Variants in TECPR1 observed in about 807,000 individuals in gnomAD.
The protein encoded by TECPR1 is tectonin beta-propeller repeat containing 1.
Under a neutral mutation model 162.4 loss-of-function variants are expected in TECPR1, and 122 were observed. That is an observed-to-expected ratio of 0.75 (90% CI 0.65 to 0.87). The LOEUF (loss-of-function observed/expected upper bound fraction) is 0.87. TECPR1 is among the 40% of genes least tolerant of loss of function. The pLI, the probability that TECPR1 is intolerant of heterozygous loss-of-function variation, is 0.00. For missense variants in TECPR1, 1,432 were observed against 1,618.2 expected (o/e 0.88, Z 1.97); for synonymous variants, 642 against 670.6 (o/e 0.96, Z 0.66).
Position 98,231,238 on chromosome 7 carries a change from C to T in TECPR1, c.2110G>A (p.Asp704Asn). 1 of 1,612,842 alleles carries T rather than the reference C, an allele frequency of 6.2e-7. No homozygotes were observed. Among genetic ancestry groups the T allele is most frequent in the South Asian group, 1.1e-5 (1 of 91,072 alleles). Residue 704 changes from aspartate (D) to asparagine (N), a missense_variant, in exon 14 of 26, where the codon GAC becomes AAC. Asp to Asn is a conservative substitution (Grantham distance 23). Transcript: ENST00000447648. The part of the protein sequence containing the change: ...PVRLAAATEQ[D>N]MNDWLALLSL... The stretch of plus-strand genomic sequence containing the variant: ...CGACCACTCACCCAGTCATTCATGT[C>T]CTGCTCGGTGGCAGCAGCCAGACGC...
At chr7:98,221,903 AC>A in intron 22 of TECPR1, 150 bp from the exon 23 acceptor site, 1 of 645,058 alleles carries the variant, frequency 1.6e-6, no homozygotes. Context: ...CCTGCCGTCC[AC>A]CCAGCACTGT....
chr7:98,226,512 G>A (rs902047803), intron 17 of TECPR1: 43 of 1,035,450 alleles, frequency 4.2e-5, no homozygotes, highest in Non-Finnish European at 4.9e-5. Flanking sequence ...CGGACACACA[G>A]TATGGCTGGA....
At chr7:98,243,922 G>A (rs1044049535) in intron 5 of TECPR1, among the ~76,000 whole-genome samples, 2 of 152,188 alleles carry the variant, frequency 1.3e-5, no homozygotes, top group African/African-American at 4.8e-5. Context: ...AGTTAACCGG[G>A]CATGGTGGTG....
chr7:98,223,757 G>A lies in TECPR1; in HGVS notation c.2691-39C>T. 3 of 1,607,774 alleles carry A rather than the reference G, an allele frequency of 1.9e-6. No homozygotes were observed. In the East Asian group the frequency reaches 6.7e-5, roughly 36 times the overall value. On this transcript the variant is annotated intron_variant, in intron 19 of 25. Coordinates refer to ENST00000447648, the MANE Select transcript of TECPR1 (RefSeq NM_015395.3). ...GAAGATGAAATCAGGGCCACTTCGT[G>A]GAAGTTTCTGGAAAGGGACCGTGCA...
intron 21 of TECPR1, 199 bp from the exon 22 acceptor site, chr7:98,222,720 A>C (rs896198341): frequency 1.7e-5 from 14 of 827,394 alleles, no homozygotes; most frequent in Admixed American, 5.5e-5. Context: ...CGAGCAGGGA[A>C]AGCGCCCCCG....
intron 2 of TECPR1, among the ~76,000 whole-genome samples, chr7:98,248,533 C>CAAAA: frequency 1.0e-4 from 1 of 9,620 alleles, no homozygotes; most frequent in African/African-American, 4.8e-4. Context: ...CTGCCACCGG[C>CAAAA]AAAAAAAAAA....
chr7:98,250,936 T>C (rs1034039704), intron 2 of TECPR1: 1 of 152,152 alleles, frequency 6.6e-6, no homozygotes, highest in South Asian at 2.1e-4. Context: ...CTAGCTACAG[T>C]TGACATCCGG....
intron 9 of TECPR1, among the ~76,000 whole-genome samples, chr7:98,237,185 G>A (rs1482244676): frequency 6.6e-6 from 1 of 152,004 alleles, no homozygotes; most frequent in Non-Finnish European, 1.5e-5. Context: ...GGCGGGGCTG[G>A]GGGACGCTGT....
intron 25 of TECPR1, 35 bp from the exon 26 acceptor site, chr7:98,217,538 G>A: frequency 6.9e-7 from 1 of 1,458,464 alleles, no homozygotes; most frequent in South Asian, 1.2e-5. Flanking sequence ...AGGGGACTCG[G>A]GGACTCGAGG....
chr7:98,252,158 T>C lies in TECPR1; in HGVS notation c.-207A>G, dbSNP rs1422999886. On this transcript the variant is annotated 5_prime_UTR_variant, in exon 1 of 26. Transcript: ENST00000447648. The stretch of plus-strand genomic sequence containing the variant: ...CGCGCCGGGCGGGGCGAAGTCGCGG[T>C]GGTAGGTCCTCGGCGTCCGGGAGGA... 2 of 152,454 alleles carry C rather than the reference T, an allele frequency of 1.3e-5. No individual in the cohort carries two copies. The highest frequency in any genetic ancestry group is 2.9e-5 in the Non-Finnish European group (2 of 68,276). 9.4% of individuals were successfully genotyped at this position (152,454 alleles called of 1,614,324 possible).
intron 14 of TECPR1, 32 bp downstream of exon 14, chr7:98,231,192 C>T: frequency 6.2e-7 from 1 of 1,609,398 alleles, no homozygotes; most frequent in Non-Finnish European, 8.5e-7. Context: ...GCTATCCCTC[C>T]CCCCGGCCCG....
At chr7:98,222,751 G>T in intron 21 of TECPR1, 1 of 780,626 alleles carries the variant, frequency 1.3e-6, no homozygotes, top group East Asian at 2.5e-5. Context: ...CACCTCACCG[G>T]GGTGCTGACC....
In TECPR1 at chr7:98,217,959, C is replaced by G. The variant is rs760768292; in HGVS notation, c.3241G>C (p.Val1081Leu). The G allele has an allele frequency of 1.3e-6, 2 of 1,558,338 alleles. No homozygotes were observed. The highest frequency in any genetic ancestry group is 1.2e-5 in the South Asian group (1 of 84,474). ...WEHVSNNVCR[V>L]SVGPLDQVWV... ...ACCTGGTCCAGGGGCCCCACGGACA[C>G]TCGGCACACGTTGTTGGACACGTGC... Residue 1081 changes from valine (V) to leucine (L), a missense_variant, in exon 24 of 26, where the codon GTG (valine) becomes CTG (leucine). Physicochemically the swap from Val to Leu is conservative, Grantham distance 32. Transcript: ENST00000447648.
intron 11 of TECPR1, 67 bp from the exon 12 acceptor site, chr7:98,233,039 C>T (rs1279697632): frequency 1.1e-5 from 17 of 1,502,930 alleles, no homozygotes; most frequent in Middle Eastern, 2.2e-4. Context: ...GAAGCCACGG[C>T]GCTCCCCTCC....
At chr7:98,228,855 G>A (rs1047397985) in intron 16 of TECPR1, 184 bp downstream of exon 16, 24 of 778,678 alleles carry the variant, frequency 3.1e-5, no homozygotes, top group East Asian at 1.4e-4. Context: ...CCCTCAGCTC[G>A]AAGTGGGTAC....
Position 98,217,824 on chromosome 7 carries a change from C to A in TECPR1, c.3265-13G>T. On this transcript the variant is annotated splice_polypyrimidine_tract_variant and intron_variant, in intron 24 of 25. Transcript: ENST00000447648. ...CGATCACCCAGACCTGGAGCACAGA[C>A]CCCATGAAGCCCTCAGCCCTACCTG... The A allele has an allele frequency of 1.3e-6, 2 of 1,547,226 alleles. No individual in the cohort carries two copies. Among genetic ancestry groups the A allele is most frequent in the Non-Finnish European group, 1.7e-6 (2 of 1,144,370 alleles).
rs562039681 is a variant in TECPR1 at position 98,246,036 on chromosome 7, G to A, written c.111C>T (p.Arg37=). The change falls in exon 3 of 26, where the codon CGC becomes CGT. Residue 37 remains arginine, a synonymous_variant. Transcript: ENST00000447648. ...AGCAGCACTGCGTGGTGGCGCTGACGCGCTTGAACTCCAGCTGGGAGTCCT... is the reference window on the plus strand; with the variant it reads ...AGCAGCACTGCGTGGTGGCGCTGACACGCTTGAACTCCAGCTGGGAGTCCT... ...MCKDSQLEFK[R]VSATTQCCWG... is the part of the protein sequence containing the mutation. 17 of 1,589,356 alleles carry A rather than the reference G, an allele frequency of 1.1e-5. No homozygotes were observed. The Admixed American group carries it at 2.1e-4, about 20-fold the overall frequency.
chr7:98,223,635 GAC>G, intron 20 of TECPR1, 25 bp downstream of exon 20: 1 of 1,613,094 alleles, frequency 6.2e-7, no homozygotes, highest in Non-Finnish European at 8.5e-7. Flanking sequence ...GCCTGACCGT[GAC>G]AGTCACCCTG....
rs73406068 is a variant in TECPR1 at position 98,230,756 on chromosome 7, C to T, written c.2282+205G>A. Among the ~76,000 whole-genome samples the T allele has an allele frequency of 6.5e-3, 990 of 152,296 alleles. 14 individuals carry two copies. Among genetic ancestry groups the T allele is most frequent in the African/African-American group, 0.023 (956 of 41,570 alleles). ...TGGGCGGCACTGACCCACCCTGGGC[C>T]CAGTGGGGCTTCTGGTTCCCCCTCT... On this transcript the variant is annotated intron_variant, in intron 15 of 25. Transcript: ENST00000447648.
Sources: allele counts gnomAD v4.1 joint callset (sites outside exome capture counted in the v4.1 genomes callset), GRCh38; gene constraint gnomAD v4.1.1; transcripts MANE v1.5; gene names NCBI Gene and HGNC (gene_info 2026-07-23, HGNC 2026-07-21).